PIP4K2A: variants seen among roughly 807,000 people sequenced by gnomAD.
PIP4K2A encodes phosphatidylinositol 5-phosphate 4-kinase type-2 alpha.
PIP4K2A carries 14 observed loss-of-function variants against 42.9 expected under a neutral mutation model. The ratio of observed to expected loss-of-function variants is 0.33; its 90% CI spans 0.22 to 0.51. The LOEUF is 0.51. PIP4K2A is among the 20% of genes least tolerant of loss of function. PIP4K2A has a pLI of 0.97. For missense variants in PIP4K2A, 434 were observed against 519.8 expected, an observed-to-expected ratio of 0.83 and a Z score of 1.61; for synonymous variants, 192 against 192.2, an observed-to-expected ratio of 1.00 and a Z score of 0.01.
intron 7 of PIP4K2A, among the ~76,000 whole-genome samples, chr10:22,546,956 T>A (rs561614967): frequency 6.6e-6 from 1 of 152,350 alleles, no homozygotes; most frequent in Admixed American, 6.5e-5. Flanking sequence ...CTGCTTTTCT[T>A]CCTTTCCAGC....
chr10:22,613,523 G>A (rs1204191267), intron 1 of PIP4K2A, among the ~76,000 whole-genome samples: 4 of 152,094 alleles, frequency 2.6e-5, no homozygotes, highest in South Asian at 2.1e-4. Context: ...TGGGGCTCCC[G>A]ACCACTGGCT....
intron 6 of PIP4K2A, among the ~76,000 whole-genome samples, chr10:22,554,902 A>C (rs1836497395): frequency 6.6e-6 from 1 of 152,208 alleles, no homozygotes; most frequent in African/African-American, 2.4e-5. Context: ...AGGCCCCGTG[A>C]GTAAATACAG....
intron 9 of PIP4K2A, 67 bp downstream of exon 9, chr10:22,539,904 A>G (rs1284906754): frequency 5.1e-5 from 35 of 683,488 alleles, no homozygotes; most frequent in East Asian, 1.4e-4. Context: ...AGAGAGAGAG[A>G]GAGAGAGGGA....
rs1011842842 is a variant in PIP4K2A at position 22,591,791 on chromosome 10, T to C, written c.340-10A>G. ...TCCTGGTCAGGGAATTCTTCCCGGG[T>C]GGGGTAAGAGGGGAAGGAAGGCGGG... On this transcript the variant is annotated splice_polypyrimidine_tract_variant and intron_variant, in intron 3 of 9. Coordinates refer to ENST00000376573, the MANE Select transcript of PIP4K2A (RefSeq NM_005028.5). The C allele has an allele frequency of 1.9e-6, 3 of 1,602,108 alleles. No individual in the cohort carries two copies. Among genetic ancestry groups the C allele is most frequent in the Non-Finnish European group, 2.6e-6 (3 of 1,173,488 alleles).
rs1487759721 is a variant in PIP4K2A at position 22,536,673 on chromosome 10, T to C, written c.*528A>G. ...TCATTATTATAATAATCATCATTAT[T>C]ATCTTCATTATTCTGAATACTGTCT... On this transcript the variant is annotated 3_prime_UTR_variant, in exon 10 of 10. Transcript: ENST00000376573. The C allele has an allele frequency of 7.1e-6, 1 of 141,382 alleles. No individual in the cohort carries two copies. Among genetic ancestry groups the C allele is most frequent in the Non-Finnish European group, 1.5e-5 (1 of 66,352 alleles). The allele number at this position is 141,382 out of a possible 1,614,324, so 8.8% of individuals were successfully genotyped here.
Position 22,541,971 on chromosome 10 carries a change from T to G in PIP4K2A, c.869A>C (p.Glu290Ala), listed in dbSNP as rs748059605. The G allele has an allele frequency of 6.2e-7, 1 of 1,613,994 alleles. No homozygotes were observed. The highest frequency in any genetic ancestry group is 1.7e-5 in the Admixed American group (1 of 60,002). The change falls in exon 8 of 10, where the codon GAA becomes GCA. Residue 290 changes from glutamate (E) to alanine (A), a missense_variant. Physicochemically the swap from Glu to Ala is moderately radical, Grantham distance 107. This residue lies in a region of PIP4K2A where 395 missense variants were observed against 444.5 expected (regional missense o/e 0.89). Transcript: ENST00000376573. Reference protein sequence around the residue: ...IHDVERAEQEEVECEENDGEE... With the variant: ...IHDVERAEQEAVECEENDGEE... ...CCCATCGTTCTCCTCACACTCCACT[T>G]CCTCCTGTTCGGCTCTCTCCACATC...
At chr10:22,659,396 C>A (rs572047581) in intron 1 of PIP4K2A, among the ~76,000 whole-genome samples, 2 of 152,242 alleles carry the variant, frequency 1.3e-5, no homozygotes, top group South Asian at 4.1e-4. Flanking sequence ...AGTTTGAGAC[C>A]GGCCTAGCCA....
chr10:22,666,646 A>G (rs1220891862), intron 1 of PIP4K2A, among the ~76,000 whole-genome samples: 1 of 152,148 alleles, frequency 6.6e-6, no homozygotes, highest in Non-Finnish European at 1.5e-5. Flanking sequence ...CAGCCTGCAC[A>G]AACCCCAACT....
At position 22,534,905 on chromosome 10, in the gene PIP4K2A, C is replaced by T. The variant is rs1464802864; in HGVS notation, c.*2296G>A. ...GATTAGCTAAAGACACTGTCAGGAC[C>T]GAGTATTTAAAATGTGTTTGGAACA... On this transcript the variant is annotated 3_prime_UTR_variant, in exon 10 of 10. Coordinates refer to ENST00000376573, the MANE Select transcript of PIP4K2A (RefSeq NM_005028.5). 1 of 152,040 alleles carries T rather than the reference C, an allele frequency of 6.6e-6. No homozygotes were observed. Among genetic ancestry groups the T allele is most frequent in the African/African-American group, 2.4e-5 (1 of 41,378 alleles). 9.4% of individuals were successfully genotyped at this position (152,040 alleles called of 1,614,324 possible).
In PIP4K2A at chr10:22,572,679, A is replaced by G. The variant is rs181683449; in HGVS notation, c.639+632T>C. On this transcript the variant is annotated intron_variant, in intron 5 of 9. Coordinates refer to ENST00000376573, the MANE Select transcript of PIP4K2A (RefSeq NM_005028.5). Reference sequence around the variant, plus strand: ...AATTCAGGAAAGTCATAGTTTTCCAACCCCTAACTTGAACATTCTCCCCTG... The same window carrying G: ...AATTCAGGAAAGTCATAGTTTTCCAGCCCCTAACTTGAACATTCTCCCCTG... Among the ~76,000 whole-genome samples, 36 of 152,258 alleles carry G rather than the reference A, an allele frequency of 2.4e-4. 1 individual carries two copies. Among genetic ancestry groups the G allele is most frequent in the Admixed American group, 1.4e-3 (21 of 15,300 alleles).
intron 6 of PIP4K2A, among the ~76,000 whole-genome samples, chr10:22,567,283 A>T (rs1836867543): frequency 6.6e-6 from 1 of 152,202 alleles, no homozygotes; most frequent in South Asian, 2.1e-4. Context: ...ATGTGGCTCA[A>T]ATACTACCTA....
intron 3 of PIP4K2A, among the ~76,000 whole-genome samples, chr10:22,596,463 A>C (rs1837638495): frequency 6.6e-6 from 1 of 152,226 alleles, no homozygotes; most frequent in South Asian, 2.1e-4. Flanking sequence ...AGCTAGAACG[A>C]GCACATGAGC....
intron 1 of PIP4K2A, among the ~76,000 whole-genome samples, chr10:22,640,817 T>C (rs1261994350): frequency 6.6e-6 from 1 of 152,190 alleles, no homozygotes; most frequent in African/African-American, 2.4e-5. Flanking sequence ...AGAGAAGCAG[T>C]TGCAGTGAGA....
intron 1 of PIP4K2A, among the ~76,000 whole-genome samples, chr10:22,708,178 T>C (rs1588719165): frequency 6.6e-6 from 1 of 152,154 alleles, no homozygotes; most frequent in South Asian, 2.1e-4. Flanking sequence ...AAAAGAGGAA[T>C]TGCCTCTACT....
At chr10:22,577,660 T>G (rs1327268843) in intron 4 of PIP4K2A, among the ~76,000 whole-genome samples, 1 of 152,222 alleles carries the variant, frequency 6.6e-6, no homozygotes, top group Admixed American at 6.5e-5. Context: ...AGACACTCAG[T>G]GCTTGCACGG....
At position 22,536,825 on chromosome 10, in the gene PIP4K2A, C is replaced by G. The variant is rs1291408294; in HGVS notation, c.*376G>C. ...CCTCCCCCACACGTGTGTTCATTCACTCACTCACTCACTCACTCATTCATT... is the reference window on the plus strand; with the variant it reads ...CCTCCCCCACACGTGTGTTCATTCAGTCACTCACTCACTCACTCATTCATT... On this transcript the variant is annotated 3_prime_UTR_variant, in exon 10 of 10. Transcript: ENST00000376573. 6.8e-6 allele frequency: 1 copy of G among 147,402 alleles called. No homozygotes were observed. The highest frequency in any genetic ancestry group is 1.4e-5 in the Non-Finnish European group (1 of 73,606). 9.1% of individuals were successfully genotyped at this position (147,402 alleles called of 1,614,324 possible). A position where few individuals can be genotyped will look rare whatever the true frequency, so the allele number is the denominator to read the frequency against.
intron 1 of PIP4K2A, among the ~76,000 whole-genome samples, chr10:22,652,886 T>C (rs900292009): frequency 1.3e-5 from 2 of 152,056 alleles, no homozygotes; most frequent in Admixed American, 1.3e-4. Context: ...TCGAGCCCAG[T>C]AGTTTGAGAC....
chr10:22,536,966 CAACA>C lies in PIP4K2A; in HGVS notation c.*231_*234del. On this transcript the variant is annotated 3_prime_UTR_variant, in exon 10 of 10. Transcript: ENST00000376573. ...ACGCGCGCACACACTCACCCCCCCCCAACACACACACACACACATATACACAAAG... is the reference window on the plus strand; with the variant it reads ...ACGCGCGCACACACTCACCCCCCCCCCACACACACACACATATACACAAAG... 4.4e-6 allele frequency: 1 copy of C among 227,038 alleles called. No homozygotes were observed. Among genetic ancestry groups the C allele is most frequent in the Non-Finnish European group, 7.2e-6 (1 of 139,340 alleles). 14.1% of individuals were successfully genotyped at this position (227,038 alleles called of 1,614,324 possible). A position where few individuals can be genotyped will look rare whatever the true frequency, so the allele number is the denominator to read the frequency against.
intron 1 of PIP4K2A, chr10:22,661,830 G>GC (rs1254111720): frequency 6.6e-6 from 1 of 152,214 alleles, no homozygotes; most frequent in African/African-American, 2.4e-5. Flanking sequence ...GCAGAAGTTA[G>GC]AAACACCGGA....
Sources: allele counts gnomAD v4.1 joint callset (sites outside exome capture counted in the v4.1 genomes callset), GRCh38; gene constraint gnomAD v4.1.1; regional missense constraint gnomAD v4.1.1; transcripts MANE v1.5; gene names NCBI Gene and HGNC (gene_info 2026-07-23, HGNC 2026-07-21).